The following XIRP2 variants were observed in gnomAD, a reference collection of about 807,000 sequenced individuals.
XIRP2 encodes the protein xin actin-binding repeat-containing protein 2.
A neutral mutation model predicts 277.0 loss-of-function variants in XIRP2; 236 were observed. The ratio of observed to expected loss-of-function variants is 0.85; its 90% CI spans 0.77 to 0.95. The LOEUF is 0.95. XIRP2 is among the 40% of genes least tolerant of loss of function. The pLI is 0.00. For synonymous variants in XIRP2, 1,490 were observed against 1,416.5 expected (o/e 1.05, Z -1.17); for missense variants, 4,640 against 4,157.5 (o/e 1.12, Z -3.19).
chr2:167,160,262 T>C (rs1374766346), intron 3 of XIRP2, among the ~76,000 whole-genome samples: 2 of 152,206 alleles, frequency 1.3e-5, no homozygotes, highest in African/African-American at 4.8e-5. Flanking sequence ...AAGAAAAGTT[T>C]TAAAGCACTC....
rs1293177883 is a variant in XIRP2, at chr2:167,244,608, T to C, written c.3216T>C (p.Asp1072=). ...TTGATTCAATTAAATATTTTAGTGA[T>C]GTGGAAGAAACAGAAAGTAAAACTG... ...QPLDSIKYFS[D]VEETESKTEQ... The change falls in exon 9 of 11, where the codon GAT becomes GAC. Residue 1072 remains aspartate (D), a synonymous_variant. Coordinates refer to ENST00000409195, the MANE Select transcript of XIRP2 (RefSeq NM_152381.6). 8.7e-6 allele frequency: 14 copies of C among 1,612,676 alleles called. No homozygotes were observed. Among genetic ancestry groups the C allele is most frequent in the Non-Finnish European group, 9.3e-6 (11 of 1,179,454 alleles).
At chr2:167,004,911 A>G (rs1415510728) in intron 2 of XIRP2, among the ~76,000 whole-genome samples, 1 of 151,882 alleles carries the variant, frequency 6.6e-6, no homozygotes, top group Non-Finnish European at 1.5e-5. Context: ...TTCCTTATAA[A>G]ATTTTCATTT....
chr2:166,896,383 C>CAAGATAGTGATATCGGAGGTGA (rs1684242088), intron 1 of XIRP2, among the ~76,000 whole-genome samples: 1 of 151,706 alleles, frequency 6.6e-6, no homozygotes, highest in Admixed American at 6.6e-5. Context: ...TCCAGTGGGA[C>CAAGATAGTGATATCGGAGGTGA]AAGATAGTGA....
intron 2 of XIRP2, among the ~76,000 whole-genome samples, chr2:167,057,018 A>T (rs926896002): frequency 5.9e-5 from 9 of 152,144 alleles, no homozygotes; most frequent in African/African-American, 2.2e-4. Context: ...ACTGGTGATG[A>T]TAGTAGTTTT....
At chr2:167,007,068 C>T (rs367844843) in intron 2 of XIRP2, among the ~76,000 whole-genome samples, 3 of 151,602 alleles carry the variant, frequency 2.0e-5, no homozygotes, top group African/African-American at 4.8e-5. Context: ...GCACAAAGTA[C>T]ATCTTATTTC....
chr2:167,162,737 GC>G (rs376254181), intron 3 of XIRP2, among the ~76,000 whole-genome samples: 138 of 152,286 alleles, frequency 9.1e-4, no homozygotes, highest in African/African-American at 3.2e-3. Flanking sequence ...AAAATACACA[GC>G]TCTTAAGTAT....
intron 1 of XIRP2, among the ~76,000 whole-genome samples, chr2:166,888,888 T>G (rs1483890747): frequency 1.3e-5 from 2 of 152,206 alleles, no homozygotes; most frequent in Non-Finnish European, 2.9e-5. Flanking sequence ...TTTTGGACAC[T>G]GAAAGATAGT....
intron 3 of XIRP2, among the ~76,000 whole-genome samples, chr2:167,173,821 C>T (rs1253095301): frequency 6.6e-6 from 1 of 152,116 alleles, no homozygotes; most frequent in Non-Finnish European, 1.5e-5. Flanking sequence ...GATTGGGTGA[C>T]ATGATATCTC....
intron 2 of XIRP2, among the ~76,000 whole-genome samples, chr2:167,075,736 G>A (rs1003307350): frequency 6.6e-6 from 1 of 151,910 alleles, no homozygotes; most frequent in African/African-American, 2.4e-5. Context: ...CTGCCTCCCA[G>A]TTTCAAGTGA....
chr2:167,065,629 G>A (rs1025244928), intron 2 of XIRP2, among the ~76,000 whole-genome samples: 1 of 151,556 alleles, frequency 6.6e-6, no homozygotes, highest in Non-Finnish European at 1.5e-5. Flanking sequence ...CTTTAAAAAC[G>A]TTTTCAATTG....
rs776465429 is a variant in XIRP2 at position 167,242,880 on chromosome 2, T to C, written c.1488T>C (p.Tyr496=). The change falls in exon 9 of 11, where the codon TAT becomes TAC. Residue 496 remains tyrosine (Y), a synonymous_variant. Coordinates refer to ENST00000409195, the MANE Select transcript of XIRP2 (RefSeq NM_152381.6). ...KDVYSKQRNL[Y]ELNRLYKHIH... Reference sequence around the variant, plus strand: ...TATATTCCAAGCAAAGAAATTTGTATGAATTAAACCGTTTATATAAACACA... The same window carrying C: ...TATATTCCAAGCAAAGAAATTTGTACGAATTAAACCGTTTATATAAACACA... 6 of 1,614,108 alleles carry C rather than the reference T, an allele frequency of 3.7e-6. No individual in the cohort carries two copies. In the South Asian group the frequency reaches 6.6e-5, roughly 18 times the overall value.
At chr2:166,915,340 A>C (rs933348490) in intron 2 of XIRP2, among the ~76,000 whole-genome samples, 1 of 151,700 alleles carries the variant, frequency 6.6e-6, no homozygotes, top group Non-Finnish European at 1.5e-5. Flanking sequence ...AAATATTATA[A>C]AGGAACCTAT....
At chr2:167,195,065 G>A (rs547733719) in intron 3 of XIRP2, among the ~76,000 whole-genome samples, 3 of 152,090 alleles carry the variant, frequency 2.0e-5, no homozygotes, top group Non-Finnish European at 4.4e-5. Context: ...AGAGAAACTG[G>A]TCTATGTGAT....
chr2:166,903,374 C>A (rs752386086), intron 1 of XIRP2, 91 bp from the exon 2 acceptor site: 76 of 1,336,104 alleles, frequency 5.7e-5, no homozygotes, highest in Non-Finnish European at 7.5e-5. Flanking sequence ...AGACCCAAAC[C>A]CCAAGAGCTG....
chr2:167,012,403 T>G (rs1449174235), intron 2 of XIRP2, among the ~76,000 whole-genome samples: 2 of 151,798 alleles, frequency 1.3e-5, no homozygotes, highest in Admixed American at 1.3e-4. Context: ...AGACTAGATT[T>G]CTGTCCTAAA....
chr2:166,948,688 C>T lies in XIRP2; in HGVS notation c.408+44798C>T, dbSNP rs73969934. On this transcript the variant is annotated intron_variant, in intron 2 of 10. Transcript: ENST00000409195. ...CAACTTTACTACTACATCATGATGC[C>T]TCTGTATTTCCAGCTTTCCATATTC... is the stretch of plus-strand genomic sequence containing the variant. 5.2e-3 allele frequency among the ~76,000 whole-genome samples: 798 copies of T among 152,096 alleles called. 7 individuals are homozygous for T. Among genetic ancestry groups the T allele is most frequent in the African/African-American group, 0.018 (759 of 41,528 alleles).
At chr2:167,216,140 A>G (rs1010908663) in intron 4 of XIRP2, among the ~76,000 whole-genome samples, 4 of 118,784 alleles carry the variant, frequency 3.4e-5, no homozygotes, top group African/African-American at 1.3e-4. Flanking sequence ...TTCAAGATGG[A>G]TTAAAGATTT....
At chr2:166,988,385 G>A (rs568697330) in intron 2 of XIRP2, among the ~76,000 whole-genome samples, 1 of 152,270 alleles carries the variant, frequency 6.6e-6, no homozygotes, top group Non-Finnish European at 1.5e-5. Context: ...AGGCATGACA[G>A]CTGAGTGCAA....
At chr2:167,095,299 C>T (rs1481572293) in intron 2 of XIRP2, among the ~76,000 whole-genome samples, 1 of 152,060 alleles carries the variant, frequency 6.6e-6, no homozygotes, top group Admixed American at 6.6e-5. Context: ...TTTGAATAAC[C>T]TTTATTTCTT....
Sources: gnomAD v4.1 joint callset for allele counts (sites outside exome capture counted in the v4.1 genomes callset) on GRCh38, gnomAD v4.1.1 for gene constraint, MANE v1.5 for transcripts, NCBI Gene and HGNC (gene_info 2026-07-23, HGNC 2026-07-21) for gene names.